CHRNB3: variants seen among roughly 807,000 people sequenced by gnomAD.
CHRNB3 encodes cholinergic receptor nicotinic beta 3 subunit, also known as neuronal acetylcholine receptor subunit beta-3.
CHRNB3 carries 37 observed loss-of-function variants against 40.6 expected under a neutral mutation model. The observed-to-expected ratio is 0.91, with a 90% CI of 0.70 to 1.20. The LOEUF (loss-of-function observed/expected upper bound fraction) is 1.20. Among genes scored for constraint, CHRNB3 ranks in the 50% most tolerant of loss-of-function variants. The pLI is 0.00. For synonymous variants in CHRNB3, 207 were observed against 207.1 expected, an observed-to-expected ratio of 1.00 and a Z score of 0.00; for missense variants, 505 against 551.2, an observed-to-expected ratio of 0.92 and a Z score of 0.84.
At chr8:42,718,329 G>A (rs1479505207) in intron 3 of CHRNB3, among the ~76,000 whole-genome samples, 2 of 152,074 alleles carry the variant, frequency 1.3e-5, no homozygotes, top group Non-Finnish European at 2.9e-5. Flanking sequence ...AACAGCAAAG[G>A]ATATTTGTTC....
chr8:42,726,581 C>T (rs922050177), intron 3 of CHRNB3, among the ~76,000 whole-genome samples: 24 of 151,524 alleles, frequency 1.6e-4, no homozygotes, highest in African/African-American at 5.3e-4. Flanking sequence ...CTCACTGCAA[C>T]CTCCGCCCCC....
chr8:42,709,659 G>A (rs1012917427), intron 2 of CHRNB3, among the ~76,000 whole-genome samples: 1 of 152,120 alleles, frequency 6.6e-6, no homozygotes, highest in Non-Finnish European at 1.5e-5. Flanking sequence ...TTGAGACAGA[G>A]ACTCTGTTTC....
chr8:42,714,486 A>G (rs979519831), intron 3 of CHRNB3, among the ~76,000 whole-genome samples: 1 of 150,492 alleles, frequency 6.6e-6, no homozygotes, highest in Non-Finnish European at 1.5e-5. Flanking sequence ...CTCTGTCTCA[A>G]AACAAAACAA....
At chr8:42,719,800 G>T (rs147434087) in intron 3 of CHRNB3, among the ~76,000 whole-genome samples, 240 of 152,268 alleles carry the variant, frequency 1.6e-3, no homozygotes, top group African/African-American at 5.6e-3. Flanking sequence ...TCAGTGACTC[G>T]TCCAAGTTGT....
chr8:42,735,460 C>T (rs935519376), intron 5 of CHRNB3, among the ~76,000 whole-genome samples: 3 of 152,154 alleles, frequency 2.0e-5, no homozygotes, highest in Admixed American at 2.0e-4. Context: ...ACCACTTAAA[C>T]CCAGGAGGTG....
chr8:42,734,513 G>A (rs1816486421), intron 5 of CHRNB3, among the ~76,000 whole-genome samples: 1 of 149,964 alleles, frequency 6.7e-6, no homozygotes, highest in Non-Finnish European at 1.5e-5. Context: ...TCCACCTTCC[G>A]GGTTCGTGCC....
At position 42,710,445 on chromosome 8, in the gene CHRNB3, A is replaced by G. The variant is rs1288116168; in HGVS notation, c.249+11A>G. 2 of 1,603,044 alleles carry G rather than the reference A, an allele frequency of 1.2e-6. No individual in the cohort carries two copies. The highest frequency in any genetic ancestry group is 2.7e-5 in the African/African-American group (2 of 74,532). On this transcript the variant is annotated intron_variant, in intron 3 of 5. Transcript: ENST00000289957. ...GTGTGGCTCAAACAGGTAAATTTCA[A>G]TCCAAGGATTGTGTCTGCTAACCCA...
At chr8:42,723,606 T>C (rs1816256482) in intron 3 of CHRNB3, among the ~76,000 whole-genome samples, 1 of 152,146 alleles carries the variant, frequency 6.6e-6, no homozygotes, top group Non-Finnish European at 1.5e-5. Context: ...GCACATCTCC[T>C]GGGGGCCCCC....
intron 2 of CHRNB3, 144 bp downstream of exon 2, chr8:42,709,012 C>A (rs1340276344): frequency 1.2e-6 from 1 of 852,350 alleles, no homozygotes; most frequent in East Asian, 2.7e-5. Flanking sequence ...CAAGAAGCCA[C>A]TAAAATGACC....
At chr8:42,734,259 C>CAAA (rs769371275) in intron 5 of CHRNB3, among the ~76,000 whole-genome samples, 32 of 23,960 alleles carry the variant, frequency 1.3e-3, no homozygotes, top group African/African-American at 1.8e-3. Context: ...GACTCCATCT[C>CAAA]AAAAAAAAAA....
In CHRNB3 at chr8:42,731,405, C is replaced by T. The variant is rs547882470; in HGVS notation, c.360-262C>T. Among the ~76,000 whole-genome samples, 373 of 151,776 alleles carry T rather than the reference C, an allele frequency of 2.5e-3. 3 individuals carry two copies. Among genetic ancestry groups the T allele is most frequent in the Middle Eastern group, 0.01 (3 of 294 alleles). On this transcript the variant is annotated intron_variant, in intron 4 of 5. Transcript: ENST00000289957. ...CCTGTCTCTACTAAAAATACAAAAA[C>T]TTAGCTGCGCATGGTGGCCGGTGCC...
chr8:42,727,073 A>G (rs1816323624), intron 3 of CHRNB3, among the ~76,000 whole-genome samples: 2 of 152,160 alleles, frequency 1.3e-5, no homozygotes, highest in African/African-American at 4.8e-5. Context: ...TGATATTGTC[A>G]AAAAGACAGA....
In CHRNB3 at chr8:42,732,344, T is replaced by C; in HGVS notation, c.1037T>C (p.Leu346Ser). The change falls in exon 5 of 6, where the codon TTA (leucine) becomes TCA (serine). Residue 346 changes from leucine to serine, a missense_variant. Leu to Ser is a moderately radical substitution (Grantham distance 145). Transcript: ENST00000289957. ...KRLFLQKLPK[L>S]LCMKDHVDRY... ...CTCTTTCTGCAGAAACTTCCAAAAT[T>C]ACTTTGCATGAAAGATCATGTGGAT... The C allele has an allele frequency of 6.2e-7, 1 of 1,606,958 alleles. No homozygotes were observed. Among genetic ancestry groups the C allele is most frequent in the Non-Finnish European group, 8.5e-7 (1 of 1,178,338 alleles).
intron 3 of CHRNB3, among the ~76,000 whole-genome samples, chr8:42,719,774 A>G (rs1816185903): frequency 1.3e-5 from 2 of 152,156 alleles, no homozygotes; most frequent in African/African-American, 4.8e-5. Context: ...TTGCAAAGCA[A>G]TGCAGCAGCT....
chr8:42,728,815 A>G (rs1586408638), intron 3 of CHRNB3, among the ~76,000 whole-genome samples: 1 of 152,276 alleles, frequency 6.6e-6, no homozygotes, highest in African/African-American at 2.4e-5. Flanking sequence ...CTGTAAACCA[A>G]AGAGTGAATT....
chr8:42,733,463 G>A (rs372807532), intron 5 of CHRNB3, among the ~76,000 whole-genome samples: 1 of 152,124 alleles, frequency 6.6e-6, no homozygotes, highest in South Asian at 2.1e-4. Flanking sequence ...TGAAAAGTTT[G>A]TGTGAGGATT....
intron 3 of CHRNB3, among the ~76,000 whole-genome samples, chr8:42,724,367 T>C (rs1010277401): frequency 6.6e-6 from 1 of 152,162 alleles, no homozygotes; most frequent in Non-Finnish European, 1.5e-5. Context: ...AAGGCAAGGA[T>C]ATCCTACTTA....
intron 3 of CHRNB3, among the ~76,000 whole-genome samples, chr8:42,723,823 C>A (rs1039019163): frequency 1.3e-5 from 2 of 152,180 alleles, no homozygotes; most frequent in African/African-American, 2.4e-5. Context: ...TGGTGGCTCA[C>A]GCCTGTAATC....
chr8:42,736,732 G>A lies in CHRNB3; in HGVS notation c.*114G>A. On this transcript the variant is annotated 3_prime_UTR_variant, in exon 6 of 6. Coordinates refer to ENST00000289957, the MANE Select transcript of CHRNB3 (RefSeq NM_000749.5). ...CGAACCCCGAATGCGTTGTCTTTGTGGAAATGGAACATCTCCTCATGGGAG... is the reference window on the plus strand; with the variant it reads ...CGAACCCCGAATGCGTTGTCTTTGTAGAAATGGAACATCTCCTCATGGGAG... 7.9e-7 allele frequency: 1 copy of A among 1,266,348 alleles called. No individual in the cohort carries two copies. The highest frequency in any genetic ancestry group is 1.1e-6 in the Non-Finnish European group (1 of 892,004). 78.4% of individuals were successfully genotyped at this position (1,266,348 alleles called of 1,614,324 possible).
Sources: allele counts gnomAD v4.1 joint callset (sites outside exome capture counted in the v4.1 genomes callset), GRCh38; gene constraint gnomAD v4.1.1; transcripts MANE v1.5; gene names NCBI Gene and HGNC (gene_info 2026-07-23, HGNC 2026-07-21).